The following SFMBT2 variants were observed in gnomAD, a reference collection of about 807,000 sequenced individuals.
SFMBT2 encodes the protein scm-like with four MBT domains protein 2.
In SFMBT2, 38 loss-of-function variants were observed where a neutral mutation model predicts 110.1. The observed-to-expected ratio is 0.35, with a 90% confidence interval of 0.27 to 0.45. The LOEUF (loss-of-function observed/expected upper bound fraction) is 0.45, where lower values mean the gene tolerates loss of function less well. SFMBT2 is among the 20% of genes least tolerant of loss of function. The probability of loss-of-function intolerance (pLI) is 1.00; values close to 1 mark genes in which losing one functional copy is unlikely to be tolerated. For synonymous variants in SFMBT2, 425 were observed against 425.4 expected, an observed-to-expected ratio of 1.00 and a Z score of 0.01; for missense variants, 1,011 against 1,094.9, an observed-to-expected ratio of 0.92 and a Z score of 1.08.
chr10:7,410,818 G>A (rs568238304), intron 1 of SFMBT2, among the ~76,000 whole-genome samples, 43 bp downstream of exon 1: 9 of 151,274 alleles, frequency 5.9e-5, no homozygotes, highest in South Asian at 2.1e-4. Flanking sequence ...CTGCTCTCCG[G>A]CCAGCCTGGG....
intron 4 of SFMBT2, among the ~76,000 whole-genome samples, chr10:7,297,928 C>T (rs1443901026): frequency 6.6e-6 from 1 of 152,204 alleles, no homozygotes; most frequent in Non-Finnish European, 1.5e-5. Context: ...GCACCCCCAC[C>T]ACCTCCACAG....
chr10:7,254,286 G>A (rs1012046), intron 7 of SFMBT2, among the ~76,000 whole-genome samples: 70,202 of 151,972 alleles, frequency 0.46, 17,026 homozygotes, highest in East Asian at 0.83. Context: ...AACCACTGAG[G>A]CACCGCACAG....
intron 7 of SFMBT2, among the ~76,000 whole-genome samples, chr10:7,269,715 CGTGT>C (rs35063251): frequency 0.083 from 3,181 of 38,462 alleles, 94 homozygotes; most frequent in African/African-American, 0.14. Flanking sequence ...TAAGTGTGTG[CGTGT>C]GTGTGTGTGT....
chr10:7,357,365 C>T (rs1257063873), intron 4 of SFMBT2, among the ~76,000 whole-genome samples: 1 of 152,144 alleles, frequency 6.6e-6, no homozygotes, highest in Non-Finnish European at 1.5e-5. Flanking sequence ...GCAGATCATC[C>T]TCTTGCTTGT....
rs1266740723 is a variant in SFMBT2, at chr10:7,170,343, G to T, written c.2544+585C>A. Among the ~76,000 whole-genome samples, 1 of 152,192 alleles carries T rather than the reference G, an allele frequency of 6.6e-6. No individual in the cohort carries two copies. The highest frequency in any genetic ancestry group is 2.4e-5 in the African/African-American group (1 of 41,458). On this transcript the variant is annotated intron_variant, in intron 20 of 20. Coordinates refer to ENST00000397167, the MANE Select transcript of SFMBT2 (RefSeq NM_001387889.1). This position sits in a 1 kb window ranked among gnomAD's most constrained non-coding sequence, Gnocchi z 4.6. ...TCTCCAGACAAAGGCCTGGCCAAGGGGTGGCCCAGCAAGACAAAAAACCGT... is the reference window on the plus strand; with the variant it reads ...TCTCCAGACAAAGGCCTGGCCAAGGTGTGGCCCAGCAAGACAAAAAACCGT...
At chr10:7,258,782 G>GA (rs1243305533) in intron 7 of SFMBT2, among the ~76,000 whole-genome samples, 1 of 152,140 alleles carries the variant, frequency 6.6e-6, no homozygotes, top group Admixed American at 6.5e-5. Context: ...TAGTTTCATT[G>GA]AAAAACAGAT....
chr10:7,392,468 TTGCACCAC>T (rs1378830576), intron 1 of SFMBT2, among the ~76,000 whole-genome samples: 3 of 152,072 alleles, frequency 2.0e-5, no homozygotes, highest in African/African-American at 7.2e-5. Flanking sequence ...TGAGCTGAGA[TTGCACCAC>T]TGCACTCCAG....
At chr10:7,268,781 G>A (rs564241438) in intron 7 of SFMBT2, among the ~76,000 whole-genome samples, 78 of 152,320 alleles carry the variant, frequency 5.1e-4, no homozygotes, top group African/African-American at 1.7e-3. Flanking sequence ...AAAGTGCTGC[G>A]ATTACAGGCA....
chr10:7,233,386 C>CT (rs1452289147), intron 9 of SFMBT2, among the ~76,000 whole-genome samples: 1 of 152,190 alleles, frequency 6.6e-6, no homozygotes, highest in Non-Finnish European at 1.5e-5. Context: ...TGGAGGGACA[C>CT]TCAGAGAGTG....
chr10:7,186,340 T>A (rs1394111260), intron 16 of SFMBT2, among the ~76,000 whole-genome samples: 1 of 151,098 alleles, frequency 6.6e-6, no homozygotes, highest in East Asian at 1.9e-4. Context: ...GTACAACAGC[T>A]CCCATAATCA....
In SFMBT2 at chr10:7,228,738, TTCTCTCTCTCTCTC is replaced by T. The variant is rs56871421; in HGVS notation, c.1121-815_1121-802del. On this transcript the variant is annotated intron_variant, in intron 9 of 20. Transcript: ENST00000397167. The stretch of plus-strand genomic sequence containing the variant: ...TTCTTTCTTTCTTTCTTTCTTTCCT[TTCTCTCTCTCTCTC>T]TCTCTCTCTCTCTCTCTCTCTCTCT... Among the ~76,000 whole-genome samples the T allele has an allele frequency of 8.8e-3, 548 of 62,456 alleles. 12 individuals are homozygous for T. The highest frequency in any genetic ancestry group is 0.035 in the African/African-American group (478 of 13,472). The allele number at this position is 62,456 out of a possible 152,430, so 41.0% of individuals were successfully genotyped here. A position where few individuals can be genotyped will look rare whatever the true frequency, so the allele number is the denominator to read the frequency against.
chr10:7,317,369 G>A (rs187910822), intron 4 of SFMBT2, among the ~76,000 whole-genome samples: 7 of 152,204 alleles, frequency 4.6e-5, no homozygotes, highest in East Asian at 3.9e-4. Context: ...CATGGCCAGC[G>A]TGGTGGCTCA....
chr10:7,280,065 G>A (rs1841906221), intron 6 of SFMBT2, among the ~76,000 whole-genome samples: 1 of 152,182 alleles, frequency 6.6e-6, no homozygotes, highest in Non-Finnish European at 1.5e-5. Flanking sequence ...TGAGATCTGT[G>A]TCCTTATAAG....
chr10:7,324,629 C>A (rs989530942), intron 4 of SFMBT2, among the ~76,000 whole-genome samples: 3 of 152,190 alleles, frequency 2.0e-5, no homozygotes, highest in Non-Finnish European at 4.4e-5. Context: ...CTAGAAGAAA[C>A]TTGTATTAGT....
At chr10:7,165,502 T>G (rs142718326) in intron 20 of SFMBT2, among the ~76,000 whole-genome samples, 1 of 152,264 alleles carries the variant, frequency 6.6e-6, no homozygotes, top group Admixed American at 6.5e-5. Flanking sequence ...TAATTTATCT[T>G]CAGATCAGAT....
At chr10:7,217,588 G>A (rs1839582244) in intron 11 of SFMBT2, among the ~76,000 whole-genome samples, 1 of 152,118 alleles carries the variant, frequency 6.6e-6, no homozygotes, top group Non-Finnish European at 1.5e-5. Context: ...ACCTTCTTCT[G>A]GGCTAAAGAG....
At chr10:7,263,444 G>A (rs1841280041) in intron 7 of SFMBT2, among the ~76,000 whole-genome samples, 1 of 152,092 alleles carries the variant, frequency 6.6e-6, no homozygotes, top group African/African-American at 2.4e-5. Context: ...GTTTCACCAT[G>A]TTAGCCAGGC....
In SFMBT2 at chr10:7,172,339, T is replaced by A; in HGVS notation, c.2151+156A>T. The A allele has an allele frequency of 1.0e-6, 1 of 985,476 alleles. No individual in the cohort carries two copies. The highest frequency in any genetic ancestry group is 1.2e-6 in the Non-Finnish European group (1 of 829,938). The allele number at this position is 985,476 out of a possible 1,614,324, so 61.0% of individuals were successfully genotyped here. ...CCAAAGCAGCTGGACACACTACATT[T>A]GTTTTCAGCAAGTAAGGAGGAGGGG... On this transcript the variant is annotated intron_variant, in intron 18 of 20. Transcript: ENST00000397167. This position sits in a 1 kb window ranked among gnomAD's most constrained non-coding sequence, Gnocchi z 4.6.
intron 11 of SFMBT2, among the ~76,000 whole-genome samples, chr10:7,210,765 C>A (rs138764488): frequency 1.3e-5 from 2 of 152,178 alleles, no homozygotes; most frequent in Non-Finnish European, 2.9e-5. Context: ...AAGCCCAGCG[C>A]GCAAAGCCTC....
Sources: gnomAD v4.1 joint callset for allele counts (sites outside exome capture counted in the v4.1 genomes callset) on GRCh38, gnomAD v4.1.1 for gene constraint, Gnocchi (gnomAD v3.1) non-coding constraint, MANE v1.5 for transcripts, NCBI Gene and HGNC (gene_info 2026-07-23, HGNC 2026-07-21) for gene names.